The following MRTO4 variants were observed in gnomAD, a reference collection of about 807,000 sequenced individuals.
MRTO4 encodes the protein mRNA turnover protein 4 homolog.
In MRTO4, 7 loss-of-function variants were observed where a neutral mutation model predicts 28.6. The ratio of observed to expected loss-of-function variants is 0.24; its 90% CI spans 0.14 to 0.46. The LOEUF is 0.46. Ranked by LOEUF, MRTO4 falls within the 20% of genes least tolerant of loss-of-function variation. MRTO4 has a pLI of 0.99. For synonymous variants in MRTO4, 113 were observed against 108.2 expected (o/e 1.04, Z -0.27); for missense variants, 302 against 298.3 (o/e 1.01, Z -0.09).
chr1:19,257,684 C>A, intron 5 of MRTO4, 149 bp from the exon 6 acceptor site: 1 of 1,358,954 alleles, frequency 7.4e-7, no homozygotes, highest in Non-Finnish European at 1.0e-6. Context: ...CTGTCCTCTC[C>A]AGCATGGTGC....
rs761677032 is a variant in MRTO4 at position 19,254,785 on chromosome 1, C to T, written c.32C>T (p.Ser11Phe). ...CTCTCCTTTTTGTTTTTATTAGTCT[C>T]CTTAACCAAAACTGCCAAGAAAGGC... Reference protein sequence around the residue: MPKSKRDKKVSLTKTAKKGLE... With the variant: MPKSKRDKKVFLTKTAKKGLE... Residue 11 changes from serine to phenylalanine, a missense_variant, in exon 2 of 8, where the codon TCC becomes TTC. Coordinates refer to ENST00000330263, the MANE Select transcript of MRTO4 (RefSeq NM_016183.4). The T allele has an allele frequency of 1.7e-5, 27 of 1,612,142 alleles. No individual in the cohort carries two copies. Among genetic ancestry groups the T allele is most frequent in the African/African-American group, 9.4e-5 (7 of 74,774 alleles).
rs2093676784 is a variant in MRTO4 at position 19,259,323 on chromosome 1, G to A, written c.*493G>A. The A allele has an allele frequency of 6.6e-6, 1 of 152,414 alleles. No homozygotes were observed. The highest frequency in any genetic ancestry group is 6.5e-5 in the Admixed American group (1 of 15,282). The allele number at this position is 152,414 out of a possible 1,614,324, so 9.4% of individuals were successfully genotyped here. ...TCTCTCCTGGAGACAGCAAGAGGGAGAGGAGGGAGAGGGCTCTTTCTTAGA... is the reference window on the plus strand; with the variant it reads ...TCTCTCCTGGAGACAGCAAGAGGGAAAGGAGGGAGAGGGCTCTTTCTTAGA... On this transcript the variant is annotated 3_prime_UTR_variant, in exon 8 of 8. Coordinates refer to ENST00000330263, the MANE Select transcript of MRTO4 (RefSeq NM_016183.4).
chr1:19,256,030 G>C lies in MRTO4; in HGVS notation c.170G>C (p.Arg57Pro). 2 of 1,614,046 alleles carry C rather than the reference G, an allele frequency of 1.2e-6. No individual in the cohort carries two copies. Among genetic ancestry groups the C allele is most frequent in the Non-Finnish European group, 1.7e-6 (2 of 1,180,014 alleles). ...NMRNSKLKDIRNAWKHSRMFF... is the reference protein window; with the variant it reads ...NMRNSKLKDIPNAWKHSRMFF... ...AGGAACAGCAAGCTGAAGGACATCC[G>C]GAACGCCTGGAAGCACAGCCGGTGA... Residue 57 changes from arginine (R) to proline (P), a missense_variant, in exon 3 of 8, where the codon CGG becomes CCG. Coordinates refer to ENST00000330263, the MANE Select transcript of MRTO4 (RefSeq NM_016183.4).
At chr1:19,258,108 G>T (rs1178432509) in intron 6 of MRTO4, 124 bp downstream of exon 6, 14 of 1,275,292 alleles carry the variant, frequency 1.1e-5, no homozygotes, top group Non-Finnish European at 1.5e-5. Flanking sequence ...GAGAAAATGG[G>T]GCTAAGAGTG....
chr1:19,258,885 A>G lies in MRTO4; in HGVS notation c.*55A>G. Reference sequence around the variant, plus strand: ...AGCTTCTGGGTCTCACTGGACCATCAGGACTGCTGCCGCCCCTCTGGAGAG... The same window carrying G: ...AGCTTCTGGGTCTCACTGGACCATCGGGACTGCTGCCGCCCCTCTGGAGAG... On this transcript the variant is annotated 3_prime_UTR_variant, in exon 8 of 8. Coordinates refer to ENST00000330263, the MANE Select transcript of MRTO4 (RefSeq NM_016183.4). The G allele has an allele frequency of 6.3e-7, 1 of 1,578,050 alleles. No individual in the cohort carries two copies. Among genetic ancestry groups the G allele is most frequent in the Admixed American group, 1.9e-5 (1 of 53,106 alleles).
rs2093676288 is a variant in MRTO4 at position 19,259,107 on chromosome 1, A to G, written c.*277A>G. 1.5e-5 allele frequency: 4 copies of G among 262,678 alleles called. No individual in the cohort carries two copies. The highest frequency in any genetic ancestry group is 2.2e-5 in the African/African-American group (1 of 45,384). The allele number at this position is 262,678 out of a possible 1,614,324, so 16.3% of individuals were successfully genotyped here. ...GAAACCCCGTCTCTACTAAAAATAG[A>G]AAAAAAAACTAGTTGGGCATAGTGG... On this transcript the variant is annotated 3_prime_UTR_variant, in exon 8 of 8. Transcript: ENST00000330263.
In MRTO4 at chr1:19,257,930, C is replaced by G. The variant is rs760511737; in HGVS notation, c.439C>G (p.His147Asp). 1.2e-6 allele frequency: 2 copies of G among 1,614,098 alleles called. No homozygotes were observed. Among genetic ancestry groups the G allele is most frequent in the Non-Finnish European group, 1.7e-6 (2 of 1,180,046 alleles). The change falls in exon 6 of 8, where the codon CAC (histidine) becomes GAC (aspartate). Residue 147 changes from histidine to aspartate, a missense_variant. Coordinates refer to ENST00000330263, the MANE Select transcript of MRTO4 (RefSeq NM_016183.4). Reference sequence around the variant, plus strand: ...TCCAGGGCCCCTGGAGCAGTTCCCCCACTCCATGGAGCCACAGCTCAGGCA... The same window carrying G: ...TCCAGGGCCCCTGGAGCAGTTCCCCGACTCCATGGAGCCACAGCTCAGGCA... ...LDPGPLEQFPHSMEPQLRQLG... is the reference protein window; with the variant it reads ...LDPGPLEQFPDSMEPQLRQLG...
chr1:19,257,440 C>T lies in MRTO4; in HGVS notation c.274-14C>T. Reference sequence around the variant, plus strand: ...CTCTAATGTGACCAAGCTGTCCTCACTCCTGATTTGTAGGTCAGCAAAAGG... The same window carrying T: ...CTCTAATGTGACCAAGCTGTCCTCATTCCTGATTTGTAGGTCAGCAAAAGG... On this transcript the variant is annotated splice_polypyrimidine_tract_variant and intron_variant, in intron 4 of 7. Coordinates refer to ENST00000330263, the MANE Select transcript of MRTO4 (RefSeq NM_016183.4). 2 of 1,614,152 alleles carry T rather than the reference C, an allele frequency of 1.2e-6. No individual in the cohort carries two copies. The highest frequency in any genetic ancestry group is 2.2e-5 in the East Asian group (1 of 44,892).
At chr1:19,251,946 G>A (rs1295763058) in intron 1 of MRTO4, 83 bp downstream of exon 1, 9 of 1,521,990 alleles carry the variant, frequency 5.9e-6, no homozygotes, top group Non-Finnish European at 8.0e-6. Flanking sequence ...GGGGCGGCGG[G>A]GGCGCAGATT....
chr1:19,258,980 G>GA lies in MRTO4; in HGVS notation c.*150_*151insA. ...GACCTCCTGTAAAGAATAAAACTGT[G>GA]GGCCGGGCGCGGTGGCTCACGCCTG... On this transcript the variant is annotated 3_prime_UTR_variant, in exon 8 of 8. Transcript: ENST00000330263. The GA allele has an allele frequency of 9.5e-7, 1 of 1,052,866 alleles. No individual in the cohort carries two copies. Among genetic ancestry groups the GA allele is most frequent in the Non-Finnish European group, 1.3e-6 (1 of 755,646 alleles). 65.2% of individuals were successfully genotyped at this position (1,052,866 alleles called of 1,614,324 possible). A position where few individuals can be genotyped will look rare whatever the true frequency, so the allele number is the denominator to read the frequency against.
intron 1 of MRTO4, among the ~76,000 whole-genome samples, chr1:19,254,289 C>T (rs147788933): frequency 1.3e-5 from 2 of 152,248 alleles, no homozygotes; most frequent in African/African-American, 4.8e-5. Flanking sequence ...TGGTGTGTGC[C>T]TGTAGTCCTG....
chr1:19,259,061 G>C lies in MRTO4; in HGVS notation c.*231G>C. 1 of 463,078 alleles carries C rather than the reference G, an allele frequency of 2.2e-6. No individual in the cohort carries two copies. The allele number at this position is 463,078 out of a possible 1,614,324, so 28.7% of individuals were successfully genotyped here. On this transcript the variant is annotated 3_prime_UTR_variant, in exon 8 of 8. Coordinates refer to ENST00000330263, the MANE Select transcript of MRTO4 (RefSeq NM_016183.4). ...GCAGATCATAAGGTCGGGAGATTAA[G>C]ACCATCCTGGCTAACACGGTGAAAC...
At position 19,258,901 on chromosome 1, in the gene MRTO4, C is replaced by G. The variant is rs2093675911; in HGVS notation, c.*71C>G. 6.6e-7 allele frequency: 1 copy of G among 1,511,546 alleles called. No homozygotes were observed. The highest frequency in any genetic ancestry group is 1.4e-5 in the African/African-American group (1 of 71,390). 93.6% of individuals were successfully genotyped at this position (1,511,546 alleles called of 1,614,324 possible). On this transcript the variant is annotated 3_prime_UTR_variant, in exon 8 of 8. Coordinates refer to ENST00000330263, the MANE Select transcript of MRTO4 (RefSeq NM_016183.4). ...TGGACCATCAGGACTGCTGCCGCCC[C>G]TCTGGAGAGAGCAGCTTTTTATTTG...
chr1:19,254,657 C>A, intron 1 of MRTO4, 125 bp from the exon 2 acceptor site: 1 of 818,994 alleles, frequency 1.2e-6, no homozygotes, highest in East Asian at 2.4e-5. Flanking sequence ...CCACAAAGGC[C>A]TTGCTGCCTT....
chr1:19,254,872 T>C (rs371786475), intron 2 of MRTO4, 32 bp downstream of exon 2: 1 of 1,575,910 alleles, frequency 6.3e-7, no homozygotes, highest in Non-Finnish European at 8.6e-7. Context: ...GAGCTTGCAA[T>C]TGTTTGGTTT....
At chr1:19,252,198 A>T (rs555863948) in intron 1 of MRTO4, 108 of 381,658 alleles carry the variant, frequency 2.8e-4, no homozygotes, top group African/African-American at 2.1e-3. Flanking sequence ...GCCCTTTCTC[A>T]TCTTCCTGCG....
At chr1:19,252,076 C>T in intron 1 of MRTO4, 2 of 669,660 alleles carry the variant, frequency 3.0e-6, no homozygotes, top group Non-Finnish European at 4.8e-6. Context: ...AGCGGAGACT[C>T]GTTTTGCCTA....
chr1:19,251,920 CT>C, intron 1 of MRTO4, 57 bp downstream of exon 1: 2 of 1,560,212 alleles, frequency 1.3e-6, no homozygotes, highest in Non-Finnish European at 1.7e-6. Context: ...GCTACCCAGC[CT>C]GCGGTGAGGG....
At chr1:19,257,626 C>T (rs1215852508) in intron 5 of MRTO4, 105 bp downstream of exon 5, 2 of 1,452,758 alleles carry the variant, frequency 1.4e-6, no homozygotes, top group Non-Finnish European at 1.9e-6. Context: ...GTTGGAACTG[C>T]TCCTGGAAGC....
Sources: allele counts gnomAD v4.1 joint callset (sites outside exome capture counted in the v4.1 genomes callset), GRCh38; gene constraint gnomAD v4.1.1; transcripts MANE v1.5; gene names NCBI Gene and HGNC (gene_info 2026-07-23, HGNC 2026-07-21).